DCC: variants seen among roughly 807,000 people sequenced by gnomAD.
DCC encodes the protein netrin receptor DCC.
In DCC, 58 loss-of-function variants were observed where a neutral mutation model predicts 172.5. That is an observed-to-expected ratio of 0.34 (90% confidence interval 0.27 to 0.42). DCC has a LOEUF of 0.42. Among genes scored for constraint, DCC ranks in the 10% least tolerant of loss-of-function variants. The pLI is 1.00. For synonymous variants in DCC, 709 were observed against 644.5 expected, an observed-to-expected ratio of 1.10 and a Z score of -1.52; for missense variants, 1,740 against 1,791.0, an observed-to-expected ratio of 0.97 and a Z score of 0.51.
chr18:52,533,238 T>C (rs1466336815), intron 1 of DCC, among the ~76,000 whole-genome samples: 2 of 152,094 alleles, frequency 1.3e-5, no homozygotes, highest in African/African-American at 4.8e-5. Context: ...CGACTTCCAG[T>C]TTTACTTGTA....
chr18:52,454,722 G>A (rs1008917624), intron 1 of DCC, among the ~76,000 whole-genome samples: 3 of 152,030 alleles, frequency 2.0e-5, no homozygotes, highest in African/African-American at 4.8e-5. Flanking sequence ...GCCTTTCAAT[G>A]GAAGCATTAA....
At position 52,665,117 on chromosome 18, in the gene DCC, T is replaced by C. The variant is rs560182919; in HGVS notation, c.92-86937T>C. 8.5e-5 allele frequency among the ~76,000 whole-genome samples: 13 copies of C among 152,352 alleles called. No individual in the cohort carries two copies. In the South Asian group the frequency reaches 2.1e-3, roughly 24 times the overall value. ...CAAAATTATGAGAAAAGCCATCTAGTAGTTAGACCTTCTTATCCCTTTTCC... is the reference window on the plus strand; with the variant it reads ...CAAAATTATGAGAAAAGCCATCTAGCAGTTAGACCTTCTTATCCCTTTTCC... On this transcript the variant is annotated intron_variant, in intron 1 of 28. Transcript: ENST00000442544.
Position 53,088,708 on chromosome 18 carries a change from C to T in DCC, c.1261+22542C>T, listed in dbSNP as rs559944246. 1.3e-3 allele frequency among the ~76,000 whole-genome samples: 199 copies of T among 152,172 alleles called. 1 individual carries two copies. The highest frequency in any genetic ancestry group is 2.1e-3 in the Non-Finnish European group (143 of 68,000). On this transcript the variant is annotated intron_variant, in intron 7 of 28. Coordinates refer to ENST00000442544, the MANE Select transcript of DCC (RefSeq NM_005215.4). The stretch of plus-strand genomic sequence containing the variant: ...AAAAAAGAGAGAAGAATCAAATAGA[C>T]GCAATAAAAAATGGTAGAGTATTTT...
chr18:52,986,794 C>T (rs953612243), intron 5 of DCC, among the ~76,000 whole-genome samples: 1 of 151,070 alleles, frequency 6.6e-6, no homozygotes, highest in Non-Finnish European at 1.5e-5. Flanking sequence ...CATATATATA[C>T]ACACACGTGT....
intron 1 of DCC, among the ~76,000 whole-genome samples, chr18:52,460,152 C>G (rs1435986187): frequency 6.6e-6 from 1 of 152,118 alleles, no homozygotes; most frequent in East Asian, 1.9e-4. Context: ...ATTGCCCCTG[C>G]TCTGCTTCTC....
At chr18:53,512,405 TCTC>T (rs1412913599) in intron 27 of DCC, among the ~76,000 whole-genome samples, 6 of 151,176 alleles carry the variant, frequency 4.0e-5, no homozygotes, top group Non-Finnish European at 7.4e-5. Context: ...GCAGAGCGCC[TCTC>T]CTCCTCCAAA....
intron 2 of DCC, among the ~76,000 whole-genome samples, chr18:52,890,347 T>C (rs936888900): frequency 1.3e-5 from 2 of 152,030 alleles, no homozygotes; most frequent in African/African-American, 4.8e-5. Context: ...CAGGAAAATA[T>C]AAAGTCATGC....
intron 1 of DCC, among the ~76,000 whole-genome samples, chr18:52,643,605 GATTGGTT>G: frequency 6.6e-6 from 1 of 152,278 alleles, no homozygotes; most frequent in African/African-American, 2.4e-5. Context: ...CTTAGGAACT[GATTGGTT>G]ATTTGGAGAT....
At chr18:52,467,871 C>T (rs947098745) in intron 1 of DCC, among the ~76,000 whole-genome samples, 1 of 152,078 alleles carries the variant, frequency 6.6e-6, no homozygotes, top group Admixed American at 6.5e-5. Flanking sequence ...TGTTCAGACC[C>T]TTTGCCCACT....
chr18:53,279,457 T>C (rs2056842589), intron 12 of DCC, among the ~76,000 whole-genome samples: 1 of 129,688 alleles, frequency 7.7e-6, no homozygotes, highest in Non-Finnish European at 1.5e-5. Context: ...TGAGAACACA[T>C]GGACACAGGA....
chr18:53,046,977 C>T lies in DCC; in HGVS notation c.986-16328C>T, dbSNP rs1047605006. On this transcript the variant is annotated intron_variant, in intron 5 of 28. Transcript: ENST00000442544. Reference sequence around the variant, plus strand: ...TCTTCCTGTGTTTGTTCTCCTTTCACCGAATTTGAGGTAGAAAACATTCTG... The same window carrying T: ...TCTTCCTGTGTTTGTTCTCCTTTCATCGAATTTGAGGTAGAAAACATTCTG... Among the ~76,000 whole-genome samples the T allele has an allele frequency of 3.3e-5, 5 of 151,422 alleles. No homozygotes were observed. In the Admixed American group the frequency reaches 3.3e-4, roughly 10 times the overall value.
At chr18:53,209,988 C>G (rs1016544651) in intron 11 of DCC, among the ~76,000 whole-genome samples, 1 of 152,140 alleles carries the variant, frequency 6.6e-6, no homozygotes, top group African/African-American at 2.4e-5. Flanking sequence ...TGACCCTAAC[C>G]CCAATAAACA....
chr18:53,026,282 T>C (rs889102700), intron 5 of DCC, among the ~76,000 whole-genome samples: 2 of 152,158 alleles, frequency 1.3e-5, no homozygotes, highest in Non-Finnish European at 2.9e-5. Context: ...ATGTTGTTTC[T>C]TTCTTTTCTA....
intron 1 of DCC, among the ~76,000 whole-genome samples, chr18:52,696,840 T>G (rs2036019668): frequency 6.6e-6 from 1 of 152,138 alleles, no homozygotes. Flanking sequence ...GTCTTGGGAC[T>G]GGATGGATCC....
chr18:52,514,751 T>C (rs1016226526), intron 1 of DCC, among the ~76,000 whole-genome samples: 5 of 152,162 alleles, frequency 3.3e-5, no homozygotes, highest in Non-Finnish European at 4.4e-5. Context: ...ACCATTCAAA[T>C]GGGAAATGAG....
intron 1 of DCC, among the ~76,000 whole-genome samples, chr18:52,663,475 C>T (rs537539833): frequency 6.6e-6 from 1 of 152,118 alleles, no homozygotes; most frequent in African/African-American, 2.4e-5. Context: ...GATGTGTTCA[C>T]CTTCACTGGG....
intron 1 of DCC, among the ~76,000 whole-genome samples, chr18:52,625,795 C>T (rs2144868722): frequency 6.6e-6 from 1 of 152,310 alleles, no homozygotes; most frequent in Non-Finnish European, 1.5e-5. Flanking sequence ...TCGCCAATGA[C>T]TTCTGCATGC....
chr18:52,438,147 A>G (rs768331462), intron 1 of DCC, among the ~76,000 whole-genome samples: 4 of 152,196 alleles, frequency 2.6e-5, no homozygotes, highest in Non-Finnish European at 5.9e-5. Context: ...ACTGATTGGC[A>G]GCTTGCTCCC....
At chr18:52,549,740 A>G (rs1391959492) in intron 1 of DCC, among the ~76,000 whole-genome samples, 1 of 152,022 alleles carries the variant, frequency 6.6e-6, no homozygotes, top group Non-Finnish European at 1.5e-5. Flanking sequence ...GCATGACATT[A>G]CCTGATATTT....
Sources: allele counts gnomAD v4.1 joint callset (sites outside exome capture counted in the v4.1 genomes callset), GRCh38; gene constraint gnomAD v4.1.1; transcripts MANE v1.5; gene names NCBI Gene and HGNC (gene_info 2026-07-23, HGNC 2026-07-21).